Variants in NISCH observed in about 807,000 individuals in gnomAD.
The protein encoded by NISCH is I-1 receptor candidate protein.
NISCH carries 55 observed loss-of-function variants against 138.4 expected under a neutral mutation model. That is an observed-to-expected ratio of 0.40 (90% CI 0.32 to 0.50). NISCH has a LOEUF of 0.50. Ranked by LOEUF, NISCH falls within the 20% of genes least tolerant of loss-of-function variation. The pLI is 0.71. For missense variants in NISCH, 1,643 were observed against 2,005.5 expected, an observed-to-expected ratio of 0.82 and a Z score of 3.45; for synonymous variants, 860 against 861.5, an observed-to-expected ratio of 1.00 and a Z score of 0.03.
At chr3:52,477,512 C>T (rs1229823450) in intron 8 of NISCH, 62 bp from the exon 9 acceptor site, 7 of 1,423,960 alleles carry the variant, frequency 4.9e-6, no homozygotes, top group East Asian at 2.3e-5. Flanking sequence ...TCCACTGTGT[C>T]GGGGACCGTG....
Position 52,487,824 on chromosome 3 carries a change from C to T in NISCH, c.2332C>T (p.Leu778=), listed in dbSNP as rs1454414998. Residue 778 remains leucine (L), a synonymous_variant, in exon 16 of 21, where the codon CTG becomes TTG. Transcript: ENST00000345716. The surrounding 1 kb of genome is among the most constrained non-coding windows in gnomAD (Gnocchi z 9.1). ...CGAGTTTGGCTTCCTCATGCCGGAGCTGTGTCTGGTGCTCAAGGTACGGCA... is the reference window on the plus strand; with the variant it reads ...CGAGTTTGGCTTCCTCATGCCGGAGTTGTGTCTGGTGCTCAAGGTACGGCA... The part of the protein sequence containing the change: ...LTEFGFLMPE[L]CLVLKVRHSE... 1 of 1,613,400 alleles carries T rather than the reference C, an allele frequency of 6.2e-7. No homozygotes were observed. Among genetic ancestry groups the T allele is most frequent in the South Asian group, 1.1e-5 (1 of 91,024 alleles).
chr3:52,483,602 G>A (rs1180789805), intron 13 of NISCH, among the ~76,000 whole-genome samples: 1 of 152,234 alleles, frequency 6.6e-6, no homozygotes, highest in Non-Finnish European at 1.5e-5. Flanking sequence ...GTGGGAGGTG[G>A]CCCCAGGGCA....
At chr3:52,471,184 A>T in intron 4 of NISCH, 1 of 519,994 alleles carries the variant, frequency 1.9e-6, no homozygotes, top group South Asian at 2.8e-5. Context: ...AAGGGCTCAG[A>T]TGGCAGATAG....
At chr3:52,464,160 G>A (rs960642495) in intron 3 of NISCH, among the ~76,000 whole-genome samples, 2 of 152,072 alleles carry the variant, frequency 1.3e-5, no homozygotes, top group Admixed American at 6.5e-5. Flanking sequence ...CACTTTGGAA[G>A]GCTGAGGTGG....
rs1206393198 is a variant in NISCH at position 52,480,270 on chromosome 3, G to T, written c.1503G>T (p.Leu501=). 1 of 1,613,700 alleles carries T rather than the reference G, an allele frequency of 6.2e-7. No homozygotes were observed. Among genetic ancestry groups the T allele is most frequent in the African/African-American group, 1.3e-5 (1 of 74,916 alleles). The change falls in exon 13 of 21, where the codon CTG becomes CTT. Residue 501 remains leucine, a synonymous_variant. Coordinates refer to ENST00000345716, the MANE Select transcript of NISCH (RefSeq NM_007184.4). ...PPTVAPASAS[L]PQPILSNQGI... is the part of the protein sequence containing the mutation. ...CTGTGGCTCCCGCATCTGCCTCCCT[G>T]CCCCAGCCCATCCTCTCTAACCAAG...
At chr3:52,466,918 C>T (rs1334283285) in intron 3 of NISCH, among the ~76,000 whole-genome samples, 1 of 151,568 alleles carries the variant, frequency 6.6e-6, no homozygotes, top group Non-Finnish European at 1.5e-5. Flanking sequence ...GCAGGTGGTG[C>T]GGCTGATCTC....
chr3:52,487,153 G>T lies in NISCH; in HGVS notation c.1704-43G>T. On this transcript the variant is annotated intron_variant, in intron 15 of 20. Transcript: ENST00000345716. This position sits in a 1 kb window ranked among gnomAD's most constrained non-coding sequence, Gnocchi z 9.1. ...GATGTGGCAGGTGGGAGGTGGGAGGGGCCCCTCCCAGCATGCCACTGACCT... is the reference window on the plus strand; with the variant it reads ...GATGTGGCAGGTGGGAGGTGGGAGGTGCCCCTCCCAGCATGCCACTGACCT... 6.4e-7 allele frequency: 1 copy of T among 1,571,270 alleles called. No individual in the cohort carries two copies. Among genetic ancestry groups the T allele is most frequent in the South Asian group, 1.2e-5 (1 of 85,578 alleles).
chr3:52,457,031 T>C (rs1360293301), intron 1 of NISCH, among the ~76,000 whole-genome samples: 1 of 152,184 alleles, frequency 6.6e-6, no homozygotes, highest in Non-Finnish European at 1.5e-5. Flanking sequence ...AGTTGGACAT[T>C]ATTAACACAC....
At chr3:52,474,315 G>A (rs995607934) in intron 7 of NISCH, among the ~76,000 whole-genome samples, 2 of 151,480 alleles carry the variant, frequency 1.3e-5, no homozygotes, top group Non-Finnish European at 2.9e-5. Flanking sequence ...GTTGTTTTTT[G>A]AGACAGAGTT....
rs749967558 is a variant in NISCH, at chr3:52,487,645, T to C, written c.2153T>C (p.Val718Ala). 2 of 1,613,854 alleles carry C rather than the reference T, an allele frequency of 1.2e-6. No individual in the cohort carries two copies. Among genetic ancestry groups the C allele is most frequent in the East Asian group, 2.2e-5 (1 of 44,876 alleles). ...GTGCTGTGGTGCTTCCTGATCCATG[T>C]GCAGGGCAGTATCCGCCAGTTCGCC... ...LKVLWCFLIH[V>A]QGSIRQFAAC... is the part of the protein sequence containing the mutation. The change falls in exon 16 of 21, where the codon GTG becomes GCG. Residue 718 changes from valine to alanine, a missense_variant. Transcript: ENST00000345716. This position sits in a 1 kb window ranked among gnomAD's most constrained non-coding sequence, Gnocchi z 9.1.
intron 3 of NISCH, 58 bp downstream of exon 3, chr3:52,458,902 G>A: frequency 6.7e-7 from 1 of 1,494,628 alleles, no homozygotes; most frequent in South Asian, 1.3e-5. Flanking sequence ...CCAAACTTGA[G>A]GCAGCAAACC....
In NISCH at chr3:52,471,886, T is replaced by C. The variant is rs762146599; in HGVS notation, c.482T>C (p.Leu161Pro). The C allele has an allele frequency of 5.6e-6, 9 of 1,613,584 alleles. No homozygotes were observed. The highest frequency in any genetic ancestry group is 7.6e-6 in the Non-Finnish European group (9 of 1,179,782). Residue 161 changes from leucine (L) to proline (P), a missense_variant, in exon 5 of 21, where the codon CTG becomes CCG. Transcript: ENST00000345716. ...CAGCTGTATGCCGTCACGGAGCAGCTGCAGCAGGGAAAGCCCACGTGCGCC... is the reference window on the plus strand; with the variant it reads ...CAGCTGTATGCCGTCACGGAGCAGCCGCAGCAGGGAAAGCCCACGTGCGCC... ...PLQLYAVTEQ[L>P]QQGKPTCASG...
chr3:52,474,119 T>C (rs894305872), intron 7 of NISCH, among the ~76,000 whole-genome samples: 1 of 152,176 alleles, frequency 6.6e-6, no homozygotes, highest in Non-Finnish European at 1.5e-5. Flanking sequence ...TTGTGTTGTT[T>C]TGTTTTTGTT....
rs1707124497 is a variant in NISCH at position 52,477,279 on chromosome 3, C to T, written c.919-295C>T. On this transcript the variant is annotated intron_variant, in intron 8 of 20. Coordinates refer to ENST00000345716, the MANE Select transcript of NISCH (RefSeq NM_007184.4). ...GTTTGCGCTGCTCAGGGAGTGTGGG[C>T]AGGGTTGAAGAAGAACAGACTCTCT... Among the ~76,000 whole-genome samples the T allele has an allele frequency of 2.6e-5, 4 of 152,272 alleles. No individual in the cohort carries two copies. In the South Asian group the frequency reaches 8.3e-4, roughly 32 times the overall value.
intron 2 of NISCH, 142 bp downstream of exon 2, chr3:52,458,068 C>T: frequency 1.6e-6 from 1 of 622,074 alleles, no homozygotes; most frequent in Middle Eastern, 2.8e-4. Context: ...AATATAACTG[C>T]GTTCATTAAT....
Position 52,492,223 on chromosome 3 carries a change from T to A in NISCH, c.4256T>A (p.Val1419Glu). ...CGCCGCGTCCGGGACCTGGACCGAG[T>A]GCTCATGGGCTACCAGACCTACCCG... ...DGRRVRDLDRVLMGYQTYPQA... is the reference protein window; with the variant it reads ...DGRRVRDLDRELMGYQTYPQA... Residue 1419 changes from valine (V) to glutamate (E), a missense_variant, in exon 21 of 21, where the codon GTG becomes GAG. Physicochemically the swap from Val to Glu is moderately radical, Grantham distance 121. Coordinates refer to ENST00000345716, the MANE Select transcript of NISCH (RefSeq NM_007184.4). 6.2e-7 allele frequency: 1 copy of A among 1,612,990 alleles called. No homozygotes were observed. Among genetic ancestry groups the A allele is most frequent in the Non-Finnish European group, 8.5e-7 (1 of 1,180,012 alleles).
chr3:52,472,899 G>T (rs930442687), intron 6 of NISCH, among the ~76,000 whole-genome samples: 1 of 152,202 alleles, frequency 6.6e-6, no homozygotes, highest in African/African-American at 2.4e-5. Context: ...AGTCAGTAAT[G>T]AATACAAAAA....
intron 4 of NISCH, chr3:52,471,586 C>T (rs925064707): frequency 1.9e-5 from 11 of 578,112 alleles, no homozygotes; most frequent in African/African-American, 5.7e-5. Flanking sequence ...GGCTCCCCAG[C>T]CTCACAGCCC....
chr3:52,458,772 C>T lies in NISCH; in HGVS notation c.288C>T (p.Leu96=), dbSNP rs775982789. 1 of 1,613,460 alleles carries T rather than the reference C, an allele frequency of 6.2e-7. No individual in the cohort carries two copies. ...EKREKDLEVY[L]QKLLAAFPGV... The stretch of plus-strand genomic sequence containing the variant: ...GGGAGAAGGATCTGGAGGTCTACCT[C>T]CAGAAGCTCCTGGCTGCCTTCCCTG... Residue 96 remains leucine (L), a synonymous_variant, in exon 3 of 21, where the codon CTC becomes CTT. Coordinates refer to ENST00000345716, the MANE Select transcript of NISCH (RefSeq NM_007184.4).
Sources: gnomAD v4.1 joint callset for allele counts (sites outside exome capture counted in the v4.1 genomes callset) on GRCh38, gnomAD v4.1.1 for gene constraint, Gnocchi (gnomAD v3.1) non-coding constraint, MANE v1.5 for transcripts, NCBI Gene and HGNC (gene_info 2026-07-23, HGNC 2026-07-21) for gene names.